The following TDRD7 variants were observed in gnomAD, a reference collection of about 807,000 sequenced individuals.
The protein encoded by TDRD7 is tudor domain containing 7, also known as tudor domain-containing protein 7.
A neutral mutation model predicts 109.8 loss-of-function variants in TDRD7; 47 were observed. The ratio of observed to expected loss-of-function variants is 0.43; its 90% CI spans 0.34 to 0.55. The LOEUF (loss-of-function observed/expected upper bound fraction) is 0.55, where lower values mean the gene tolerates loss of function less well. TDRD7 is among the 20% of genes least tolerant of loss of function. TDRD7 has a pLI of 0.03. For missense variants in TDRD7, 1,164 were observed against 1,319.2 expected, an observed-to-expected ratio of 0.88 and a Z score of 1.82; for synonymous variants, 424 against 457.3, an observed-to-expected ratio of 0.93 and a Z score of 0.93.
rs778872298 is a variant in TDRD7, at chr9:97,412,589, A to G, written c.-7+351A>G. Among the ~76,000 whole-genome samples, 11 of 152,162 alleles carry G rather than the reference A, an allele frequency of 7.2e-5. No homozygotes were observed. The highest frequency in any genetic ancestry group is 1.5e-4 in the Non-Finnish European group (10 of 68,018). ...GCAGCGGGGTGTGGACGCGGGCGGG[A>G]GATGCGGACCAGGAAGTGGTTCCCG... On this transcript the variant is annotated intron_variant, in intron 1 of 16. Coordinates refer to ENST00000355295, the MANE Select transcript of TDRD7 (RefSeq NM_014290.3). This position sits in a 1 kb window ranked among gnomAD's most constrained non-coding sequence, Gnocchi z 4.3.
At chr9:97,477,185 C>G (rs1468096477) in intron 12 of TDRD7, among the ~76,000 whole-genome samples, 2 of 152,138 alleles carry the variant, frequency 1.3e-5, no homozygotes, top group African/African-American at 4.8e-5. Flanking sequence ...GTCTCATTGG[C>G]CTTTTACCTT....
intron 8 of TDRD7, 145 bp downstream of exon 8, chr9:97,465,173 C>G: frequency 9.3e-7 from 1 of 1,071,838 alleles, no homozygotes. Context: ...AAGATAATAT[C>G]TGTAAAAGGT....
chr9:97,435,235 AT>A (rs11314748), intron 4 of TDRD7, among the ~76,000 whole-genome samples: 79,954 of 151,866 alleles, frequency 0.53, 21,263 homozygotes, highest in African/African-American at 0.6. Flanking sequence ...ACTATGCAAG[AT>A]TTTACTATTA....
At position 97,475,536 on chromosome 9, in the gene TDRD7, T is replaced by TTTTTTAAAAAATTTTTTTAAAA. The variant is rs1433016624; in HGVS notation, c.2166+72_2166+73insAAAAAATTTTTTTAAAATTTTT. 3.1e-5 allele frequency: 36 copies of TTTTTTAAAAAATTTTTTTAAAA among 1,145,342 alleles called. No individual in the cohort carries two copies. The African/African-American group carries it at 4.8e-4, about 15-fold the overall frequency. The allele number at this position is 1,145,342 out of a possible 1,614,324, so 70.9% of individuals were successfully genotyped here. ...GAAATATTTCAAATATACACATAGG[T>TTTTTTAAAAAATTTTTTTAAAA]TTTTTTAAAAAATTGAATAAATACT... On this transcript the variant is annotated intron_variant, in intron 12 of 16. Coordinates refer to ENST00000355295, the MANE Select transcript of TDRD7 (RefSeq NM_014290.3).
chr9:97,461,188 T>A (rs113782143), intron 7 of TDRD7, among the ~76,000 whole-genome samples: 1 of 151,698 alleles, frequency 6.6e-6, no homozygotes, highest in Non-Finnish European at 1.5e-5. Context: ...AGAGTTATAG[T>A]GAGGCTTAAT....
chr9:97,438,638 A>G (rs1282104076), intron 4 of TDRD7, among the ~76,000 whole-genome samples: 1 of 152,194 alleles, frequency 6.6e-6, no homozygotes, highest in Non-Finnish European at 1.5e-5. Context: ...TCCTACATAT[A>G]TCCAGTATAA....
At chr9:97,438,604 G>A (rs751207068) in intron 4 of TDRD7, among the ~76,000 whole-genome samples, 2 of 152,138 alleles carry the variant, frequency 1.3e-5, no homozygotes, top group Non-Finnish European at 2.9e-5. Context: ...GTTTATTTAT[G>A]TGTCTTCATA....
Position 97,478,427 on chromosome 9 carries a change from A to G in TDRD7, c.2167-12A>G. The stretch of plus-strand genomic sequence containing the variant: ...TATGCTAATAAATGAGCCAACACTT[A>G]TCTCATTTCAGATCACAAATGTTCA... On this transcript the variant is annotated splice_polypyrimidine_tract_variant and intron_variant, in intron 12 of 16. Coordinates refer to ENST00000355295, the MANE Select transcript of TDRD7 (RefSeq NM_014290.3). 3 of 1,614,006 alleles carry G rather than the reference A, an allele frequency of 1.9e-6. No homozygotes were observed. Among genetic ancestry groups the G allele is most frequent in the South Asian group, 1.1e-5 (1 of 91,092 alleles).
chr9:97,476,205 G>A (rs1368650534), intron 12 of TDRD7, among the ~76,000 whole-genome samples: 1 of 152,154 alleles, frequency 6.6e-6, no homozygotes, highest in Non-Finnish European at 1.5e-5. Context: ...GGCAGTGTCA[G>A]ATCCTCCCTG....
chr9:97,456,909 A>C (rs551044636), intron 6 of TDRD7, among the ~76,000 whole-genome samples: 1 of 152,344 alleles, frequency 6.6e-6, no homozygotes, highest in Admixed American at 6.5e-5. Flanking sequence ...AAATTTTTGC[A>C]AACTACCCAT....
chr9:97,465,369 C>T (rs543436290), intron 8 of TDRD7, among the ~76,000 whole-genome samples: 4 of 152,188 alleles, frequency 2.6e-5, no homozygotes, highest in Non-Finnish European at 5.9e-5. Flanking sequence ...GCCAGTACTT[C>T]GGAGTGAGGG....
intron 6 of TDRD7, among the ~76,000 whole-genome samples, chr9:97,453,172 A>G (rs978360574): frequency 6.6e-6 from 1 of 152,204 alleles, no homozygotes; most frequent in Non-Finnish European, 1.5e-5. Context: ...TCTACCACCC[A>G]CTTCAGAGAA....
At chr9:97,435,589 T>A (rs556472435) in intron 4 of TDRD7, among the ~76,000 whole-genome samples, 88 of 151,296 alleles carry the variant, frequency 5.8e-4, no homozygotes, top group African/African-American at 2.1e-3. Flanking sequence ...TGAGTTATAA[T>A]CACACCACTG....
rs1274596268 is a variant in TDRD7, at chr9:97,428,816, A to G, written c.207+144A>G. On this transcript the variant is annotated intron_variant, in intron 2 of 16. Transcript: ENST00000355295. ...GATTGGTAGTGACAGAGAAAACAGC[A>G]TGTAAAGCACAGCCTACATTCTTAT... The G allele has an allele frequency of 2.8e-5, 21 of 750,692 alleles. No individual in the cohort carries two copies. In the East Asian group the frequency reaches 5.6e-4, roughly 20 times the overall value. 46.5% of individuals were successfully genotyped at this position (750,692 alleles called of 1,614,324 possible). A position where few individuals can be genotyped will look rare whatever the true frequency, so the allele number is the denominator to read the frequency against.
chr9:97,432,171 A>G lies in TDRD7; in HGVS notation c.496A>G (p.Thr166Ala), dbSNP rs1170729317. 6.2e-7 allele frequency: 1 copy of G among 1,613,774 alleles called. No individual in the cohort carries two copies. The highest frequency in any genetic ancestry group is 8.5e-7 in the Non-Finnish European group (1 of 1,179,778). ...AEMSPYMLHT[T>A]LGNEAFKDIP... ...AATGTCTCCTTATATGCTACACACA[A>G]CTCTTGGAAATGAAGCATTCAAAGA... The change falls in exon 4 of 17, where the codon ACT becomes GCT. Residue 166 changes from threonine (T) to alanine (A), a missense_variant. Coordinates refer to ENST00000355295, the MANE Select transcript of TDRD7 (RefSeq NM_014290.3).
chr9:97,424,200 C>T (rs62557499), intron 1 of TDRD7, among the ~76,000 whole-genome samples: 11,016 of 151,324 alleles, frequency 0.073, 641 homozygotes, highest in African/African-American at 0.16. Context: ...ATTACAGGCA[C>T]GAACCACCAC....
chr9:97,453,328 G>A (rs1828533506), intron 6 of TDRD7, among the ~76,000 whole-genome samples: 1 of 152,066 alleles, frequency 6.6e-6, no homozygotes, highest in Admixed American at 6.5e-5. Flanking sequence ...ATGATGGACT[G>A]TATGTATACA....
chr9:97,463,853 A>G (rs1027567120), intron 7 of TDRD7, among the ~76,000 whole-genome samples: 1 of 152,230 alleles, frequency 6.6e-6, no homozygotes. Context: ...ATTTCTCAAC[A>G]AGCATACAGT....
chr9:97,478,643 G>A, intron 13 of TDRD7, 70 bp downstream of exon 13: 1 of 1,597,900 alleles, frequency 6.3e-7, no homozygotes, highest in Non-Finnish European at 8.6e-7. Flanking sequence ...ATTGTAAGAT[G>A]CCTTCTCAGT....
Sources: allele counts gnomAD v4.1 joint callset (sites outside exome capture counted in the v4.1 genomes callset), GRCh38; gene constraint gnomAD v4.1.1; non-coding constraint Gnocchi (gnomAD v3.1); transcripts MANE v1.5; gene names NCBI Gene and HGNC (gene_info 2026-07-23, HGNC 2026-07-21).